MARCHF1: variants seen among roughly 807,000 people sequenced by gnomAD.
MARCHF1 encodes the protein membrane associated ring-CH-type finger 1.
A neutral mutation model predicts 54.2 loss-of-function variants in MARCHF1; 40 were observed. The observed-to-expected ratio is 0.74, with a 90% confidence interval of 0.57 to 0.96. The LOEUF (loss-of-function observed/expected upper bound fraction) is 0.96. Among genes scored for constraint, MARCHF1 ranks in the 40% least tolerant of loss-of-function variants. The probability of loss-of-function intolerance (pLI) is 0.00; values close to 1 mark genes in which losing one functional copy is unlikely to be tolerated. For missense variants in MARCHF1, 586 were observed against 656.5 expected, an observed-to-expected ratio of 0.89 and a Z score of 1.17; for synonymous variants, 236 against 236.3, an observed-to-expected ratio of 1.00 and a Z score of 0.01.
At chr4:163,857,045 A>C (rs577917768) in intron 3 of MARCHF1, among the ~76,000 whole-genome samples, 2 of 150,182 alleles carry the variant, frequency 1.3e-5, no homozygotes, top group South Asian at 4.2e-4. Flanking sequence ...TAAATAAATA[A>C]ATAAATAAAT....
At chr4:164,040,974 C>T (rs116650128) in intron 2 of MARCHF1, among the ~76,000 whole-genome samples, 79 of 152,112 alleles carry the variant, frequency 5.2e-4, no homozygotes, top group African/African-American at 1.9e-3. Context: ...AATATATGTT[C>T]ACTACTACCT....
chr4:164,340,036 A>T (rs894813626), intron 1 of MARCHF1, among the ~76,000 whole-genome samples: 2 of 152,134 alleles, frequency 1.3e-5, no homozygotes, highest in African/African-American at 4.8e-5. Context: ...CAAACCAATA[A>T]TGAGTAAGGA....
intron 9 of MARCHF1, 47 bp from the exon 10 acceptor site, chr4:163,529,093 G>A (rs750249572): frequency 2.7e-6 from 4 of 1,471,954 alleles, no homozygotes; most frequent in East Asian, 2.4e-5. Flanking sequence ...TGTCCTCAGT[G>A]GATTTGGTCA....
chr4:163,934,600 AAAG>A (rs1173699302), intron 3 of MARCHF1, among the ~76,000 whole-genome samples: 7 of 146,836 alleles, frequency 4.8e-5, no homozygotes, highest in Non-Finnish European at 9.1e-5. Context: ...AAAAAAAAAA[AAAG>A]AAGCAACTCC....
chr4:164,366,431 A>G (rs1475081476), intron 1 of MARCHF1, among the ~76,000 whole-genome samples: 1 of 152,032 alleles, frequency 6.6e-6, no homozygotes, highest in Non-Finnish European at 1.5e-5. Flanking sequence ...AATAACATAA[A>G]TATAACTTAA....
chr4:163,643,330 A>AAATAAAAATAAAAATAAAAATAAT, intron 5 of MARCHF1, among the ~76,000 whole-genome samples: 1 of 150,168 alleles, frequency 6.7e-6, no homozygotes, highest in South Asian at 2.1e-4. Flanking sequence ...CCTGTCTCAA[A>AAATAAAAATAAAAATAAAAATAAT]AATAAAAATA....
intron 1 of MARCHF1, among the ~76,000 whole-genome samples, chr4:164,157,308 T>C (rs1486950343): frequency 1.3e-5 from 2 of 152,132 alleles, no homozygotes; most frequent in African/African-American, 4.8e-5. Context: ...ATAACTATAT[T>C]AACATCTTTA....
intron 4 of MARCHF1, among the ~76,000 whole-genome samples, chr4:163,755,174 T>C (rs1320722645): frequency 6.6e-6 from 1 of 152,184 alleles, no homozygotes; most frequent in Admixed American, 6.5e-5. Context: ...TTGTCCAGTA[T>C]GTCAATAGTG....
chr4:163,824,228 ATAAAT>A (rs1452124248), intron 4 of MARCHF1, among the ~76,000 whole-genome samples: 1 of 152,040 alleles, frequency 6.6e-6, no homozygotes, highest in Non-Finnish European at 1.5e-5. Flanking sequence ...ATGTATATAC[ATAAAT>A]TAAAGTCCTA....
chr4:163,832,781 T>C (rs1363184371), intron 4 of MARCHF1, among the ~76,000 whole-genome samples: 1 of 132,422 alleles, frequency 7.6e-6, no homozygotes, highest in African/African-American at 2.8e-5. Flanking sequence ...GATGTTCCCC[T>C]TCCTGTGTCC....
intron 4 of MARCHF1, among the ~76,000 whole-genome samples, chr4:163,846,753 G>A (rs879181781): frequency 1.3e-5 from 2 of 151,972 alleles, no homozygotes; most frequent in Non-Finnish European, 2.9e-5. Context: ...TAAGGCATAT[G>A]GCATTTCTAA....
intron 5 of MARCHF1, among the ~76,000 whole-genome samples, chr4:163,660,469 T>TAGATGAC (rs1206337567): frequency 2.6e-5 from 4 of 151,680 alleles, no homozygotes; most frequent in African/African-American, 9.7e-5. Context: ...GCTTAAAACA[T>TAGATGAC]AGATGACGGG....
chr4:164,038,881 A>G (rs976865915), intron 2 of MARCHF1, among the ~76,000 whole-genome samples: 12 of 152,220 alleles, frequency 7.9e-5, no homozygotes, highest in African/African-American at 2.7e-4. Context: ...ATCTTCAGTT[A>G]TAAGGTTTTA....
At chr4:164,109,283 A>T (rs912194451) in intron 2 of MARCHF1, among the ~76,000 whole-genome samples, 3 of 152,000 alleles carry the variant, frequency 2.0e-5, no homozygotes, top group Non-Finnish European at 4.4e-5. Flanking sequence ...CCAAGATAAG[A>T]TCTGTTTTAC....
At chr4:163,785,061 G>C (rs1352531711) in intron 4 of MARCHF1, among the ~76,000 whole-genome samples, 7 of 152,074 alleles carry the variant, frequency 4.6e-5, no homozygotes, top group Non-Finnish European at 1.0e-4. Context: ...TGCGTTTATA[G>C]ACACTGTGGC....
rs1753968505 is a variant in MARCHF1 at position 164,035,284 on chromosome 4, G to A, written c.-247-46575C>T. Among the ~76,000 whole-genome samples the A allele has an allele frequency of 2.0e-5, 3 of 151,980 alleles. No homozygotes were observed. The South Asian group carries it at 6.2e-4, about 32-fold the overall frequency. ...TATAAGTCATTACTCTATACCCATAGTAACAAAATAATTCAGTGACAACCA... is the reference window on the plus strand; with the variant it reads ...TATAAGTCATTACTCTATACCCATAATAACAAAATAATTCAGTGACAACCA... On this transcript the variant is annotated intron_variant, in intron 2 of 9. Coordinates refer to ENST00000514618, the MANE Select transcript of MARCHF1 (RefSeq NM_001394959.1).
intron 1 of MARCHF1, among the ~76,000 whole-genome samples, chr4:164,153,351 C>T (rs906463216): frequency 6.6e-6 from 1 of 151,998 alleles, no homozygotes; most frequent in Admixed American, 6.6e-5. Context: ...TGTAACACAT[C>T]TTATAGAAGG....
intron 3 of MARCHF1, among the ~76,000 whole-genome samples, chr4:163,937,711 G>C (rs1000422737): frequency 6.6e-6 from 1 of 152,046 alleles, no homozygotes; most frequent in Non-Finnish European, 1.5e-5. Flanking sequence ...CTTGCCCGTT[G>C]GTTCAATGGC....
At chr4:163,613,088 C>A in intron 6 of MARCHF1, 50 bp from the exon 7 acceptor site, 1 of 1,421,028 alleles carries the variant, frequency 7.0e-7, no homozygotes, top group Non-Finnish European at 9.2e-7. Flanking sequence ...GAGAGGAAAG[C>A]CATGGAAAAA....
Sources: gnomAD v4.1 joint callset for allele counts (sites outside exome capture counted in the v4.1 genomes callset) on GRCh38, gnomAD v4.1.1 for gene constraint, MANE v1.5 for transcripts, NCBI Gene and HGNC (gene_info 2026-07-23, HGNC 2026-07-21) for gene names.